HPS6: variants seen among roughly 807,000 people sequenced by gnomAD.
The protein encoded by HPS6 is HPS6 biogenesis of lysosomal organelles complex 2 subunit 3, also known as BLOC-2 complex member HPS6.
Under a neutral mutation model 53.6 loss-of-function variants are expected in HPS6, and 46 were observed. That is an observed-to-expected ratio of 0.86 (90% CI 0.68 to 1.10). The LOEUF is 1.10. Ranked by LOEUF, HPS6 falls within the 50% of genes least tolerant of loss-of-function variation. The pLI, the probability that HPS6 is intolerant of heterozygous loss-of-function variation, is 0.00. For synonymous variants in HPS6, 535 were observed against 470.8 expected, an observed-to-expected ratio of 1.14 and a Z score of -1.77; for missense variants, 1,034 against 991.3, an observed-to-expected ratio of 1.04 and a Z score of -0.58.
At position 102,065,715 on chromosome 10, in the gene HPS6, G is replaced by T; in HGVS notation, c.241G>T (p.Ala81Ser). 6.6e-7 allele frequency: 1 copy of T among 1,506,512 alleles called. No individual in the cohort carries two copies. Among genetic ancestry groups the T allele is most frequent in the Non-Finnish European group, 8.8e-7 (1 of 1,135,672 alleles). 93.3% of individuals were successfully genotyped at this position (1,506,512 alleles called of 1,614,324 possible). Residue 81 changes from alanine (A) to serine (S), a missense_variant, in exon 1 of 1, where the codon GCC becomes TCC. Coordinates refer to ENST00000299238, the MANE Select transcript of HPS6 (RefSeq NM_024747.6). Reference protein sequence around the residue: ...WPAGQPSPLDAFFLPWPARPA... With the variant: ...WPAGQPSPLDSFFLPWPARPA... ...GGCCGGCCAGCCCTCCCCGCTGGAC[G>T]CCTTCTTCCTGCCGTGGCCAGCGCG...
Position 102,067,319 on chromosome 10 carries a change from G to T in HPS6, c.1845G>T (p.Glu615Asp), listed in dbSNP as rs1283745301. The change falls in exon 1 of 1, where the codon GAG becomes GAT. Residue 615 changes from glutamate to aspartate, a missense_variant. Coordinates refer to ENST00000299238, the MANE Select transcript of HPS6 (RefSeq NM_024747.6). ...YRRALAVLGE[E>D]GTRPEALELE... ...GAGCTCTGGCAGTGCTAGGTGAGGA[G>T]GGGACCAGGCCTGAGGCTCTGGAGC... is the stretch of plus-strand genomic sequence containing the variant. The T allele has an allele frequency of 4.3e-6, 7 of 1,613,146 alleles. No individual in the cohort carries two copies. The highest frequency in any genetic ancestry group is 5.9e-6 in the Non-Finnish European group (7 of 1,179,882).
In HPS6 at chr10:102,067,369, G is replaced by T; in HGVS notation, c.1895G>T (p.Arg632Leu). The T allele has an allele frequency of 6.2e-7, 1 of 1,612,892 alleles. No homozygotes were observed. The highest frequency in any genetic ancestry group is 8.5e-7 in the Non-Finnish European group (1 of 1,179,978). ...LELELLLSSG[R>L]PKAVLQAVGQ... is the part of the protein sequence containing the mutation. ...CTAGAGCTGCTCTTGAGCAGTGGGC[G>T]GCCTAAAGCTGTGCTCCAAGCTGTC... The change falls in exon 1 of 1, where the codon CGG (arginine) becomes CTG (leucine). Residue 632 changes from arginine to leucine, a missense_variant. Arg to Leu is a moderately radical substitution (Grantham distance 102, BLOSUM62 -2). Coordinates refer to ENST00000299238, the MANE Select transcript of HPS6 (RefSeq NM_024747.6).
In HPS6 at chr10:102,067,864, T is replaced by C. The variant is rs1045337464; in HGVS notation, c.*62T>C. 9.7e-6 allele frequency: 15 copies of C among 1,552,986 alleles called. No individual in the cohort carries two copies. In the African/African-American group the frequency reaches 1.8e-4, roughly 18 times the overall value. On this transcript the variant is annotated 3_prime_UTR_variant, in exon 1 of 1. Coordinates refer to ENST00000299238, the MANE Select transcript of HPS6 (RefSeq NM_024747.6). ...GCTTGCTTGGGACTGGAGGCTTGCT[T>C]GGACAGTTCCTCTGTGTCACTGACA...
chr10:102,066,991 T>TC lies in HPS6; in HGVS notation c.1518dup (p.Asn507GlnfsTer36). 6.2e-7 allele frequency: 1 copy of TC among 1,614,122 alleles called. No individual in the cohort carries two copies. Among genetic ancestry groups the TC allele is most frequent in the African/African-American group, 1.3e-5 (1 of 75,012 alleles). On this transcript the variant is annotated frameshift_variant, in exon 1 of 1. Coordinates refer to ENST00000299238, the MANE Select transcript of HPS6 (RefSeq NM_024747.6). LOFTEE classifies it high-confidence loss of function. ...TTGATAGGAGACCAGCTAGCCCAGC[T>TC]CAACACCGTTTTCCAAGCCCTTCCT... is the stretch of plus-strand genomic sequence containing the variant.
Position 102,065,929 on chromosome 10 carries a change from C to A in HPS6, c.455C>A (p.Ser152Ter). 1 of 1,564,072 alleles carries A rather than the reference C, an allele frequency of 6.4e-7. No individual in the cohort carries two copies. The highest frequency in any genetic ancestry group is 8.6e-7 in the Non-Finnish European group (1 of 1,164,470). The change falls in exon 1 of 1, where the codon TCA becomes TAA. Residue 152 changes from serine (S) to a stop codon, truncating the protein, a stop_gained. Coordinates refer to ENST00000299238, the MANE Select transcript of HPS6 (RefSeq NM_024747.6). LOFTEE classifies it high-confidence loss of function. ...CGGCAGGCCCGGGCCGAGGGCCCGT[C>A]AGGGTCGCCAGCAGCCGCTTTCAGC... ...EERQARAEGP[S>*]GSPAAAFSHC...
chr10:102,065,601 T>A lies in HPS6; in HGVS notation c.127T>A (p.Leu43Met). The change falls in exon 1 of 1, where the codon TTG (leucine) becomes ATG (methionine). Residue 43 changes from leucine (L) to methionine (M), a missense_variant. Coordinates refer to ENST00000299238, the MANE Select transcript of HPS6 (RefSeq NM_024747.6). Reference protein sequence around the residue: ...RVRGSPDGRHLLLLRPPGAVA... With the variant: ...RVRGSPDGRHMLLLRPPGAVA... ...CCGTGGCAGTCCGGACGGCCGCCAC[T>A]TGCTGCTCCTGCGACCCCCTGGGGC... 1 of 1,548,112 alleles carries A rather than the reference T, an allele frequency of 6.5e-7. No individual in the cohort carries two copies. Among genetic ancestry groups the A allele is most frequent in the Non-Finnish European group, 8.6e-7 (1 of 1,159,072 alleles).
Position 102,066,910 on chromosome 10 carries a change from A to C in HPS6, c.1436A>C (p.Glu479Ala). ...CAGCTGGTGGCTGGGGATGATGAGGAGGCTGGTTGGACTGAGCTGGCGGAG... is the reference window on the plus strand; with the variant it reads ...CAGCTGGTGGCTGGGGATGATGAGGCGGCTGGTTGGACTGAGCTGGCGGAG... The part of the protein sequence containing the change: ...KAQLVAGDDE[E>A]AGWTELAEQE... Residue 479 changes from glutamate (E) to alanine (A), a missense_variant, in exon 1 of 1, where the codon GAG (glutamate) becomes GCG (alanine). Physicochemically the swap from Glu to Ala is moderately radical, Grantham distance 107. Transcript: ENST00000299238. 4.3e-6 allele frequency: 7 copies of C among 1,614,162 alleles called. No homozygotes were observed. Among genetic ancestry groups the C allele is most frequent in the South Asian group, 1.1e-5 (1 of 91,090 alleles).
Position 102,067,160 on chromosome 10 carries a change from GC to G in HPS6, c.1692del (p.Phe565LeufsTer48). The G allele has an allele frequency of 6.2e-7, 1 of 1,613,624 alleles. No homozygotes were observed. Among genetic ancestry groups the G allele is most frequent in the Non-Finnish European group, 8.5e-7 (1 of 1,180,010 alleles). On this transcript the variant is annotated frameshift_variant, in exon 1 of 1. Transcript: ENST00000299238. LOFTEE classifies it high-confidence loss of function. Reference protein sequence around the residue: ...AGKEPPNGILPPFELLCQCLC... With the variant: ...AGKEPPNGILXPFELLCQCLC... ...GAAAGGAACCCCCCAATGGAATACTGCCCCCCTTTGAACTCCTGTGCCAGTG... is the reference window on the plus strand; with the variant it reads ...GAAAGGAACCCCCCAATGGAATACTGCCCCCTTTGAACTCCTGTGCCAGTG...
At position 102,067,652 on chromosome 10, in the gene HPS6, A is replaced by G; in HGVS notation, c.2178A>G (p.Gly726=). The G allele has an allele frequency of 6.2e-7, 1 of 1,613,942 alleles. No homozygotes were observed. Among genetic ancestry groups the G allele is most frequent in the East Asian group, 2.2e-5 (1 of 44,886 alleles). Residue 726 remains glycine (G), a synonymous_variant, in exon 1 of 1, where the codon GGA becomes GGG. Transcript: ENST00000299238. ...VGPPTPFPEP[G]AEPPLTVGLL... The stretch of plus-strand genomic sequence containing the variant: ...CCCCAACCCCATTCCCTGAGCCTGG[A>G]GCAGAGCCCCCTCTCACTGTGGGCT...
Position 102,067,260 on chromosome 10 carries a change from G to A in HPS6, c.1786G>A (p.Gly596Arg). ...LAQQQGGPGW[G>R]AGGPGLPLYR... is the part of the protein sequence containing the mutation. ...ACAGCAGCAGGGCGGGCCGGGCTGG[G>A]GGGCAGGGGGCCCAGGACTGCCCCT... Residue 596 changes from glycine to arginine, a missense_variant, in exon 1 of 1, where the codon GGG becomes AGG. Physicochemically the swap from Gly to Arg is moderately radical, Grantham distance 125. Transcript: ENST00000299238. The A allele has an allele frequency of 2.5e-6, 4 of 1,612,834 alleles. No homozygotes were observed. The highest frequency in any genetic ancestry group is 3.4e-6 in the Non-Finnish European group (4 of 1,179,830).
Position 102,066,506 on chromosome 10 carries a change from G to A in HPS6, c.1032G>A (p.Glu344=). ...LLDMGSGQLL[E]RKVLSTDRVH... ...ACATGGGCAGTGGGCAGCTGCTGGA[G>A]AGGAAGGTCCTAAGTACAGACAGGG... The change falls in exon 1 of 1, where the codon GAG becomes GAA. Residue 344 remains glutamate, a synonymous_variant. Coordinates refer to ENST00000299238, the MANE Select transcript of HPS6 (RefSeq NM_024747.6). 1 of 1,614,232 alleles carries A rather than the reference G, an allele frequency of 6.2e-7. No homozygotes were observed. Among genetic ancestry groups the A allele is most frequent in the East Asian group, 2.2e-5 (1 of 44,888 alleles).
At position 102,067,152 on chromosome 10, in the gene HPS6, G is replaced by A. The variant is rs1464750508; in HGVS notation, c.1678G>A (p.Gly560Arg). The change falls in exon 1 of 1, where the codon GGA becomes AGA. Residue 560 changes from glycine (G) to arginine (R), a missense_variant. By Grantham distance (125) the Gly-to-Arg change is moderately radical. Transcript: ENST00000299238. ...AACCGCTGGAAAGGAACCCCCCAAT[G>A]GAATACTGCCCCCCTTTGAACTCCT... Reference protein sequence around the residue: ...GITAGKEPPNGILPPFELLCQ... With the variant: ...GITAGKEPPNRILPPFELLCQ... 6.2e-7 allele frequency: 1 copy of A among 1,613,828 alleles called. No individual in the cohort carries two copies. Among genetic ancestry groups the A allele is most frequent in the Non-Finnish European group, 8.5e-7 (1 of 1,180,020 alleles).
In HPS6 at chr10:102,066,446, G is replaced by A. The variant is rs779878113; in HGVS notation, c.972G>A (p.Leu324=). ...SAALGTFQGT[L]ACVLGSTLEL... ...CCCTAGGCACATTTCAGGGCACTCT[G>A]GCCTGTGTGCTGGGCTCCACATTGG... The change falls in exon 1 of 1, where the codon CTG becomes CTA. Residue 324 remains leucine (L), a synonymous_variant. Coordinates refer to ENST00000299238, the MANE Select transcript of HPS6 (RefSeq NM_024747.6). The A allele has an allele frequency of 2.5e-6, 4 of 1,614,144 alleles. No homozygotes were observed. Among genetic ancestry groups the A allele is most frequent in the Non-Finnish European group, 3.4e-6 (4 of 1,180,026 alleles).
Position 102,066,464 on chromosome 10 carries a change from C to T in HPS6, c.990C>T (p.Ser330=). 1 of 1,614,170 alleles carries T rather than the reference C, an allele frequency of 6.2e-7. No homozygotes were observed. The highest frequency in any genetic ancestry group is 8.5e-7 in the Non-Finnish European group (1 of 1,180,024). ...GCACTCTGGCCTGTGTGCTGGGCTCCACATTGGAACTGCTGGACATGGGCA... is the reference window on the plus strand; with the variant it reads ...GCACTCTGGCCTGTGTGCTGGGCTCTACATTGGAACTGCTGGACATGGGCA... The part of the protein sequence containing the change: ...FQGTLACVLG[S]TLELLDMGSG... Residue 330 remains serine (S), a synonymous_variant, in exon 1 of 1, where the codon TCC becomes TCT. Transcript: ENST00000299238.
At position 102,066,955 on chromosome 10, in the gene HPS6, T is replaced by C; in HGVS notation, c.1481T>C (p.Leu494Pro). Residue 494 changes from leucine (L) to proline (P), a missense_variant, in exon 1 of 1, where the codon CTG becomes CCG. Physicochemically the swap from Leu to Pro is moderately conservative, Grantham distance 98. Coordinates refer to ENST00000299238, the MANE Select transcript of HPS6 (RefSeq NM_024747.6). ...ELAEQEVARL[L>P]RTELIGDQLA... Reference sequence around the variant, plus strand: ...GCGGAGCAGGAAGTGGCACGCCTGCTGAGGACTGAGTTGATAGGAGACCAG... The same window carrying C: ...GCGGAGCAGGAAGTGGCACGCCTGCCGAGGACTGAGTTGATAGGAGACCAG... 5 of 1,614,168 alleles carry C rather than the reference T, an allele frequency of 3.1e-6. No individual in the cohort carries two copies. The highest frequency in any genetic ancestry group is 4.2e-6 in the Non-Finnish European group (5 of 1,180,014).
rs2136335483 is a variant in HPS6, at chr10:102,067,896, A to G, written c.*94A>G. The G allele has an allele frequency of 2.1e-6, 3 of 1,439,784 alleles. No individual in the cohort carries two copies. The highest frequency in any genetic ancestry group is 2.9e-6 in the Non-Finnish European group (3 of 1,023,642). 89.2% of individuals were successfully genotyped at this position (1,439,784 alleles called of 1,614,324 possible). ...TTCCTCTGTGTCACTGACACAGGAA[A>G]TCATTTCTAGGACACAGTGATCAGG... On this transcript the variant is annotated 3_prime_UTR_variant, in exon 1 of 1. Coordinates refer to ENST00000299238, the MANE Select transcript of HPS6 (RefSeq NM_024747.6).
rs375405714 is a variant in HPS6, at chr10:102,067,713, G to A, written c.2239G>A (p.Gly747Arg). The change falls in exon 1 of 1, where the codon GGA becomes AGA. Residue 747 changes from glycine (G) to arginine (R), a missense_variant. Transcript: ENST00000299238. ...CCTGCTGGAGCAGACTGGGGCTCAA[G>A]GATGGCTGTCGGGCCCAGTTCTAAG... ...KALLEQTGAQ[G>R]WLSGPVLSPY... The A allele has an allele frequency of 1.6e-5, 26 of 1,613,466 alleles. No individual in the cohort carries two copies. The African/African-American group carries it at 2.7e-4, about 17-fold the overall frequency.
In HPS6 at chr10:102,067,252, CGGGCTGGGGGGCA is replaced by C. The variant is rs1564899888; in HGVS notation, c.1782_1794del (p.Trp595AlafsTer14). On this transcript the variant is annotated frameshift_variant, in exon 1 of 1. Coordinates refer to ENST00000299238, the MANE Select transcript of HPS6 (RefSeq NM_024747.6). LOFTEE classifies it high-confidence loss of function. ...GAGCTGGCACAGCAGCAGGGCGGGCCGGGCTGGGGGGCAGGGGGCCCAGGACTGCCCCTGTATC... is the reference window on the plus strand; with the variant it reads ...GAGCTGGCACAGCAGCAGGGCGGGCCGGGGGCCCAGGACTGCCCCTGTATC... 6 of 1,023,972 alleles carry C rather than the reference CGGGCTGGGGGGCA, an allele frequency of 5.9e-6. No homozygotes were observed. The highest frequency in any genetic ancestry group is 8.7e-6 in the Non-Finnish European group (6 of 689,404). 63.4% of individuals were successfully genotyped at this position (1,023,972 alleles called of 1,614,324 possible). A position where few individuals can be genotyped will look rare whatever the true frequency, so the allele number is the denominator to read the frequency against.
At position 102,067,489 on chromosome 10, in the gene HPS6, A is replaced by C. The variant is rs767128959; in HGVS notation, c.2015A>C (p.Lys672Thr). Residue 672 changes from lysine (K) to threonine (T), a missense_variant, in exon 1 of 1, where the codon AAA becomes ACA. Physicochemically the swap from Lys to Thr is moderately conservative, Grantham distance 78 (BLOSUM62 -1). Transcript: ENST00000299238. ...CCCCTGCTTCGAAGTGAAATCTTCA[A>C]ACTGCTGCTGGCCGAGTTTGCCCAG... ...SSPLLRSEIF[K>T]LLLAEFAQHR... 1.2e-6 allele frequency: 2 copies of C among 1,613,838 alleles called. No homozygotes were observed. Among genetic ancestry groups the C allele is most frequent in the South Asian group, 2.2e-5 (2 of 91,086 alleles).
Sources: allele counts gnomAD v4.1 joint callset, GRCh38; gene constraint gnomAD v4.1.1; transcripts MANE v1.5; gene names NCBI Gene and HGNC (gene_info 2026-07-23, HGNC 2026-07-21).